The following OR1J2 variants were observed in gnomAD, a reference collection of about 807,000 sequenced individuals.
OR1J2 encodes olfactory receptor family 1 subfamily J member 2, also known as olfactory receptor 1J2.
For synonymous variants in OR1J2, 142 were observed against 99.7 expected (o/e 1.42, Z -2.52); for missense variants, 304 against 246.1 (o/e 1.24, Z -1.57).
At chr9:122,494,486 A>T in the OR1J2 span, among the ~76,000 whole-genome samples, 1 of 151,842 alleles carries the variant, frequency 6.6e-6, no homozygotes, top group Non-Finnish European at 1.5e-5. Flanking sequence ...GTTTTTTCTG[A>T]TATAAGAAAA....
downstream of OR1J2, among the ~76,000 whole-genome samples, chr9:122,515,477 C>T (rs1828688867): frequency 6.7e-6 from 1 of 149,624 alleles, no homozygotes; most frequent in African/African-American, 2.5e-5. Flanking sequence ...CAATCACCAC[C>T]GGCCAATGAC....
chr9:122,449,320 C>G, the OR1J2 span, among the ~76,000 whole-genome samples: 7 of 152,110 alleles, frequency 4.6e-5, no homozygotes, highest in African/African-American at 1.7e-4. Flanking sequence ...GCTTGTTTGG[C>G]TTTTACATCT....
downstream of OR1J2, among the ~76,000 whole-genome samples, chr9:122,516,186 C>G (rs1828697726): frequency 6.6e-6 from 1 of 151,658 alleles, no homozygotes. Flanking sequence ...TGTGCTTTGT[C>G]TTCTACTATA....
chr9:122,452,570 G>A, the OR1J2 span, among the ~76,000 whole-genome samples: 3 of 152,180 alleles, frequency 2.0e-5, no homozygotes, highest in Non-Finnish European at 2.9e-5. Flanking sequence ...AAGATGCTGA[G>A]CGAGTTGGGT....
chr9:122,538,410 T>G, the OR1J2 span, among the ~76,000 whole-genome samples: 1 of 152,184 alleles, frequency 6.6e-6, no homozygotes, highest in African/African-American at 2.4e-5. Context: ...TGGAATTGGG[T>G]TCTTGATTTT....
chr9:122,549,272 C>G, the OR1J2 span, among the ~76,000 whole-genome samples: 2 of 152,116 alleles, frequency 1.3e-5, no homozygotes, highest in African/African-American at 4.8e-5. Context: ...TATGCTGGCT[C>G]CCCTTCACCT....
chr9:122,498,466 T>A, the OR1J2 span, among the ~76,000 whole-genome samples: 1 of 152,138 alleles, frequency 6.6e-6, no homozygotes, highest in Admixed American at 6.6e-5. Context: ...TTTAAGTGAG[T>A]TTTTCAACTC....
chr9:122,508,465 T>A (rs1364804063), upstream of OR1J2, among the ~76,000 whole-genome samples: 1 of 152,198 alleles, frequency 6.6e-6, no homozygotes, highest in Non-Finnish European at 1.5e-5. Context: ...CTCTGCCTTT[T>A]CTTATTAAAG....
At chr9:122,448,997 C>T in the OR1J2 span, 18 of 136,084 alleles carry the variant, frequency 1.3e-4, no homozygotes, top group South Asian at 7.0e-4. Flanking sequence ...AAAAAACAAG[C>T]GATAATAAGT....
the OR1J2 span, among the ~76,000 whole-genome samples, chr9:122,457,994 AT>A: frequency 6.6e-6 from 1 of 151,808 alleles, no homozygotes; most frequent in African/African-American, 2.4e-5. Context: ...GTCAGCATTC[AT>A]TTTTTGCTGT....
At chr9:122,578,724 G>A in the OR1J2 span, among the ~76,000 whole-genome samples, 113 of 152,166 alleles carry the variant, frequency 7.4e-4, no homozygotes, top group Non-Finnish European at 6.2e-4. Flanking sequence ...ACCAAACATC[G>A]TATGTTCTCA....
the OR1J2 span, among the ~76,000 whole-genome samples, chr9:122,575,645 T>C: frequency 6.6e-6 from 1 of 152,140 alleles, no homozygotes; most frequent in Non-Finnish European, 1.5e-5. Flanking sequence ...AATTTTATTG[T>C]ATATATTTGA....
chr9:122,507,092 G>A (rs1273790621), upstream of OR1J2, among the ~76,000 whole-genome samples: 1 of 152,114 alleles, frequency 6.6e-6, no homozygotes, highest in Non-Finnish European at 1.5e-5. Flanking sequence ...CACAAATATG[G>A]TGCCTTATCT....
the OR1J2 span, chr9:122,554,080 C>G: frequency 6.2e-7 from 1 of 1,613,264 alleles, no homozygotes; most frequent in South Asian, 1.1e-5. Context: ...ACGCTAAACC[C>G]ATTCATTTAT....
the OR1J2 span, among the ~76,000 whole-genome samples, chr9:122,556,750 G>A: frequency 6.6e-6 from 1 of 152,276 alleles, no homozygotes; most frequent in South Asian, 2.1e-4. Context: ...GCTATTCTGA[G>A]TCTTTTGCCT....
At chr9:122,460,609 C>A in the OR1J2 span, among the ~76,000 whole-genome samples, 7 of 151,790 alleles carry the variant, frequency 4.6e-5, no homozygotes, top group Admixed American at 2.6e-4. Context: ...TTTTTTGGTT[C>A]CATATGAATT....
chr9:122,516,970 G>A, the OR1J2 span, among the ~76,000 whole-genome samples: 1 of 152,124 alleles, frequency 6.6e-6, no homozygotes, highest in Non-Finnish European at 1.5e-5. Context: ...CAATCAGGAG[G>A]GAGAAATAAA....
chr9:122,564,410 G>C, the OR1J2 span, among the ~76,000 whole-genome samples: 2 of 152,250 alleles, frequency 1.3e-5, no homozygotes, highest in Admixed American at 6.5e-5. Context: ...GAGTGGGGGG[G>C]TATTATGATG....
At chr9:122,457,937 A>T in the OR1J2 span, among the ~76,000 whole-genome samples, 16 of 152,164 alleles carry the variant, frequency 1.1e-4, no homozygotes, top group African/African-American at 3.9e-4. Flanking sequence ...TACATTTTTA[A>T]TTTTTCTTAT....
Sources: allele counts gnomAD v4.1 joint callset (sites outside exome capture counted in the v4.1 genomes callset), GRCh38; gene constraint gnomAD v4.1.1; transcripts MANE v1.5; gene names NCBI Gene and HGNC (gene_info 2026-07-23, HGNC 2026-07-21).